The following CEP89 variants were observed in gnomAD, a reference collection of about 807,000 sequenced individuals.
CEP89 encodes the protein centrosomal protein of 89 kDa.
Under a neutral mutation model 97.6 loss-of-function variants are expected in CEP89, and 95 were observed. The observed-to-expected ratio is 0.97, with a 90% CI of 0.82 to 1.15. The LOEUF is 1.15. CEP89 is among the 50% of genes most tolerant of loss of function. The pLI, the probability that CEP89 is intolerant of heterozygous loss-of-function variation, is 0.00. For missense variants in CEP89, 869 were observed against 947.7 expected (o/e 0.92, Z 1.09); for synonymous variants, 354 against 349.1 (o/e 1.01, Z -0.16).
chr19:32,929,404 C>A (rs1242447188), intron 9 of CEP89, among the ~76,000 whole-genome samples: 1 of 152,022 alleles, frequency 6.6e-6, no homozygotes, highest in Non-Finnish European at 1.5e-5. Context: ...GAGTTTGAGA[C>A]CAACCTGGCC....
At chr19:32,886,254 T>G (rs1969392461) in intron 17 of CEP89, among the ~76,000 whole-genome samples, 1 of 152,230 alleles carries the variant, frequency 6.6e-6, no homozygotes, top group Non-Finnish European at 1.5e-5. Flanking sequence ...TTTCTTCCTT[T>G]TCCTTAAACT....
chr19:32,954,916 C>T (rs1392231835), intron 3 of CEP89, among the ~76,000 whole-genome samples: 3 of 151,590 alleles, frequency 2.0e-5, no homozygotes, highest in Admixed American at 6.6e-5. Context: ...CTGCACACCT[C>T]GGCCTCCCAA....
At chr19:32,890,639 G>A (rs1024971109) in intron 16 of CEP89, among the ~76,000 whole-genome samples, 3 of 152,100 alleles carry the variant, frequency 2.0e-5, no homozygotes, top group African/African-American at 4.8e-5. Context: ...TCGGGAGCCT[G>A]GAGAGGCTCC....
At chr19:32,952,887 G>A (rs530058275) in intron 4 of CEP89, among the ~76,000 whole-genome samples, 3 of 102,360 alleles carry the variant, frequency 2.9e-5, no homozygotes, top group East Asian at 2.9e-4. Context: ...CTGGAGGACA[G>A]AGCAAGACTC....
In CEP89 at chr19:32,960,031, C is replaced by A. The variant is rs368968823; in HGVS notation, c.174G>T (p.Ala58=). The change falls in exon 3 of 19, where the codon GCG becomes GCT. Residue 58 remains alanine, a synonymous_variant. Transcript: ENST00000305768. Reference sequence around the variant, plus strand: ...CAACCGTCCGCCCAGTCAATGTTGTCGCCAGAATGGCTGCTGCCAGAGCAG... The same window carrying A: ...CAACCGTCCGCCCAGTCAATGTTGTAGCCAGAATGGCTGCTGCCAGAGCAG... The part of the protein sequence containing the change: ...PRSALAAAIL[A]TTLTGRTVAI... 1 of 1,614,200 alleles carries A rather than the reference C, an allele frequency of 6.2e-7. No homozygotes were observed. Among genetic ancestry groups the A allele is most frequent in the Admixed American group, 1.7e-5 (1 of 60,020 alleles).
intron 2 of CEP89, among the ~76,000 whole-genome samples, chr19:32,964,052 G>A (rs1971230995): frequency 6.6e-6 from 1 of 151,938 alleles, no homozygotes. Flanking sequence ...GAACATAAAT[G>A]GGACAATGAC....
At chr19:32,888,094 C>T (rs1485104242) in intron 16 of CEP89, among the ~76,000 whole-genome samples, 10 of 152,170 alleles carry the variant, frequency 6.6e-5, no homozygotes, top group South Asian at 6.2e-4. Context: ...ACCAGGGGAA[C>T]GGGAGAGGCT....
intron 15 of CEP89, among the ~76,000 whole-genome samples, chr19:32,900,281 T>C (rs1171178289): frequency 6.7e-6 from 1 of 148,970 alleles, no homozygotes; most frequent in Non-Finnish European, 1.5e-5. Context: ...AGTCTTGCTC[T>C]GTCACCCAGG....
At chr19:32,897,025 G>T (rs8111376) in intron 16 of CEP89, among the ~76,000 whole-genome samples, 50,040 of 151,946 alleles carry the variant, frequency 0.33, 8,581 homozygotes, top group African/African-American at 0.37. Context: ...AAATAACAGA[G>T]GCTGATGTCA....
chr19:32,917,268 G>A (rs114713735), intron 13 of CEP89, among the ~76,000 whole-genome samples: 472 of 152,230 alleles, frequency 3.1e-3, no homozygotes, highest in African/African-American at 0.011. Flanking sequence ...TAACAATGCC[G>A]GAGTAAAGGC....
chr19:32,965,856 A>G (rs961093671), intron 2 of CEP89, among the ~76,000 whole-genome samples: 1 of 151,768 alleles, frequency 6.6e-6, no homozygotes, highest in Admixed American at 6.6e-5. Flanking sequence ...CATCTCTACT[A>G]AAAATACAAA....
At chr19:32,935,944 T>C (rs948774146) in intron 7 of CEP89, among the ~76,000 whole-genome samples, 1 of 152,162 alleles carries the variant, frequency 6.6e-6, no homozygotes, top group African/African-American at 2.4e-5. Context: ...TGGTCAGGGC[T>C]GCATGCTCCA....
Position 32,933,441 on chromosome 19 carries a change from C to T in CEP89, c.886+10G>A, listed in dbSNP as rs1180113999. 1 of 1,602,948 alleles carries T rather than the reference C, an allele frequency of 6.2e-7. No individual in the cohort carries two copies. On this transcript the variant is annotated intron_variant, in intron 8 of 18. Coordinates refer to ENST00000305768, the MANE Select transcript of CEP89 (RefSeq NM_032816.5). ...CATTCCTCTAATAAAGGCACTCTGTCTGTCCCCACCTTCCTGTGACGACGC... is the reference window on the plus strand; with the variant it reads ...CATTCCTCTAATAAAGGCACTCTGTTTGTCCCCACCTTCCTGTGACGACGC...
rs143780610 is a variant in CEP89, at chr19:32,963,097, T to G, written c.147-3039A>C. Among the ~76,000 whole-genome samples the G allele has an allele frequency of 3.7e-3, 566 of 152,334 alleles. 3 individuals carry two copies. Among genetic ancestry groups the G allele is most frequent in the African/African-American group, 0.013 (530 of 41,592 alleles). On this transcript the variant is annotated intron_variant, in intron 2 of 18. Transcript: ENST00000305768. ...AAGACCAGGCGCGGTAGCTCACGCC[T>G]GTAATCCCAGCACTTTGGGAGGCCG...
At chr19:32,890,132 C>A (rs1178375235) in intron 16 of CEP89, among the ~76,000 whole-genome samples, 2 of 152,168 alleles carry the variant, frequency 1.3e-5, no homozygotes, top group Non-Finnish European at 2.9e-5. Flanking sequence ...TTCAGCCGGG[C>A]ACGGTGGTTC....
intron 11 of CEP89, among the ~76,000 whole-genome samples, chr19:32,925,329 G>A (rs141919279): frequency 2.3e-3 from 350 of 152,182 alleles, no homozygotes; most frequent in African/African-American, 8.2e-3. Context: ...ACAAAACGGC[G>A]GTGGACAAGG....
At chr19:32,947,768 C>CA (rs1296192176) in intron 5 of CEP89, among the ~76,000 whole-genome samples, 1 of 152,160 alleles carries the variant, frequency 6.6e-6, no homozygotes, top group Non-Finnish European at 1.5e-5. Context: ...CTTGGCCTCC[C>CA]AAAGTACTGG....
chr19:32,895,332 C>T (rs990356650), intron 16 of CEP89, among the ~76,000 whole-genome samples: 20 of 152,088 alleles, frequency 1.3e-4, no homozygotes, highest in African/African-American at 4.8e-4. Context: ...AATCAATAAA[C>T]ATCATAGATC....
intron 12 of CEP89, among the ~76,000 whole-genome samples, chr19:32,919,321 G>A (rs953323237): frequency 6.6e-6 from 1 of 152,176 alleles, no homozygotes; most frequent in African/African-American, 2.4e-5. Flanking sequence ...ATGAGCTGAA[G>A]GGACCTTAGA....
Sources: gnomAD v4.1 joint callset for allele counts (sites outside exome capture counted in the v4.1 genomes callset) on GRCh38, gnomAD v4.1.1 for gene constraint, MANE v1.5 for transcripts, NCBI Gene and HGNC (gene_info 2026-07-23, HGNC 2026-07-21) for gene names.